ASCC3: variants seen among roughly 807,000 people sequenced by gnomAD.
The protein encoded by ASCC3 is ASC-1 complex subunit P200.
Under a neutral mutation model 256.3 loss-of-function variants are expected in ASCC3, and 158 were observed. The ratio of observed to expected loss-of-function variants is 0.62; its 90% CI spans 0.54 to 0.70. The LOEUF (loss-of-function observed/expected upper bound fraction) is 0.70. Among genes scored for constraint, ASCC3 ranks in the 30% least tolerant of loss-of-function variants. ASCC3 has a pLI of 0.00. For missense variants in ASCC3, 2,259 were observed against 2,626.0 expected, an observed-to-expected ratio of 0.86 and a Z score of 3.05; for synonymous variants, 948 against 883.4, an observed-to-expected ratio of 1.07 and a Z score of -1.30.
Position 100,627,898 on chromosome 6 carries a change from G to T in ASCC3, c.4465C>A (p.Leu1489Ile). The T allele has an allele frequency of 6.2e-7, 1 of 1,613,624 alleles. No homozygotes were observed. Among genetic ancestry groups the T allele is most frequent in the Non-Finnish European group, 8.5e-7 (1 of 1,179,832 alleles). ...CTGGCATTAGCTAATGCAGTAGATA[G>T]TCCAACTATTCTAACAGGCTTTTCT... The part of the protein sequence containing the change: ...HTEKPVRIVG[L>I]STALANARDL... The change falls in exon 28 of 42, where the codon CTA becomes ATA. Residue 1489 changes from leucine to isoleucine, a missense_variant. Coordinates refer to ENST00000369162, the MANE Select transcript of ASCC3 (RefSeq NM_006828.4).
intron 12 of ASCC3, among the ~76,000 whole-genome samples, chr6:100,716,502 A>G (rs2115022651): frequency 6.6e-6 from 1 of 152,050 alleles, no homozygotes; most frequent in Non-Finnish European, 1.5e-5. Context: ...TGTTTCATTA[A>G]TGTAAACATT....
chr6:100,580,494 T>A (rs1288747617), intron 36 of ASCC3, among the ~76,000 whole-genome samples: 1 of 151,988 alleles, frequency 6.6e-6, no homozygotes, highest in Admixed American at 6.6e-5. Flanking sequence ...TTTTTTCCAA[T>A]TTATGATTAC....
intron 4 of ASCC3, among the ~76,000 whole-genome samples, chr6:100,810,599 C>A (rs1381940923): frequency 6.6e-6 from 1 of 152,068 alleles, no homozygotes; most frequent in African/African-American, 2.4e-5. Flanking sequence ...AGATTAAACT[C>A]TTTCTAAATA....
chr6:100,751,415 A>G (rs1406909614), intron 10 of ASCC3, among the ~76,000 whole-genome samples: 1 of 152,000 alleles, frequency 6.6e-6, no homozygotes, highest in East Asian at 1.9e-4. Context: ...AAATACGGTC[A>G]TAAATAAGGA....
chr6:100,596,067 C>T (rs1582523070), intron 34 of ASCC3, among the ~76,000 whole-genome samples: 1 of 152,012 alleles, frequency 6.6e-6, no homozygotes, highest in African/African-American at 2.4e-5. Context: ...TATTTTTGTA[C>T]AGCTATGGTC....
chr6:100,745,640 C>T lies in ASCC3; in HGVS notation c.1738-19937G>A, dbSNP rs1265737750. Among the ~76,000 whole-genome samples the T allele has an allele frequency of 2.6e-5, 4 of 152,138 alleles. No homozygotes were observed. In the East Asian group the frequency reaches 7.7e-4, roughly 29 times the overall value. On this transcript the variant is annotated intron_variant, in intron 10 of 41. Transcript: ENST00000369162. Reference sequence around the variant, plus strand: ...GTTGGAAGGGACTTTCTGTGATAACCGTAATGTTCTGTGTATCTGCATTAT... The same window carrying T: ...GTTGGAAGGGACTTTCTGTGATAACTGTAATGTTCTGTGTATCTGCATTAT...
In ASCC3 at chr6:100,651,192, A is replaced by G. The variant is rs1260568798; in HGVS notation, c.3075+368T>C. On this transcript the variant is annotated intron_variant, in intron 19 of 41. Coordinates refer to ENST00000369162, the MANE Select transcript of ASCC3 (RefSeq NM_006828.4). ...AAGTATTAAAGTTTTCACTGTTAATAAGATTAAATATTAATACAGGTACAG... is the reference window on the plus strand; with the variant it reads ...AAGTATTAAAGTTTTCACTGTTAATGAGATTAAATATTAATACAGGTACAG... 3.9e-5 allele frequency among the ~76,000 whole-genome samples: 6 copies of G among 151,928 alleles called. No homozygotes were observed. In the East Asian group the frequency reaches 1.2e-3, roughly 29 times the overall value.
chr6:100,531,331 A>T, intron 37 of ASCC3, among the ~76,000 whole-genome samples: 1 of 152,144 alleles, frequency 6.6e-6, no homozygotes, highest in Non-Finnish European at 1.5e-5. Context: ...TTCTCCCATA[A>T]GTCCTAGAAG....
At chr6:100,518,168 C>T (rs373611160) in intron 37 of ASCC3, 26 bp from the exon 38 acceptor site, 13 of 1,612,556 alleles carry the variant, frequency 8.1e-6, no homozygotes, top group Admixed American at 6.7e-5. Flanking sequence ...GCACATGTTA[C>T]AAGAATTATA....
chr6:100,649,726 T>C (rs1427442063), intron 20 of ASCC3, among the ~76,000 whole-genome samples: 2 of 151,522 alleles, frequency 1.3e-5, no homozygotes, highest in Non-Finnish European at 3.0e-5. Flanking sequence ...ATTTCCATAT[T>C]TAAAATAAAA....
chr6:100,771,442 T>C (rs1048380589), intron 8 of ASCC3, among the ~76,000 whole-genome samples: 13 of 152,100 alleles, frequency 8.5e-5, no homozygotes, highest in Non-Finnish European at 1.6e-4. Context: ...GAAAACCTAC[T>C]ATCTTTAAGA....
At chr6:100,844,199 A>G (rs911090553) in intron 4 of ASCC3, among the ~76,000 whole-genome samples, 11 of 149,868 alleles carry the variant, frequency 7.3e-5, no homozygotes, top group African/African-American at 2.7e-4. Flanking sequence ...ACACTGAGAA[A>G]AAAAGTCCCA....
chr6:100,509,880 T>G, intron 41 of ASCC3, 52 bp downstream of exon 41: 1 of 1,523,406 alleles, frequency 6.6e-7, no homozygotes, highest in Non-Finnish European at 9.0e-7. Flanking sequence ...AGAGCGAGAC[T>G]CCGCCTCAAA....
chr6:100,792,874 G>C (rs1289141309), intron 8 of ASCC3, among the ~76,000 whole-genome samples: 2 of 151,890 alleles, frequency 1.3e-5, no homozygotes, highest in Non-Finnish European at 2.9e-5. Context: ...ATTTGGCTTG[G>C]AGCAGGGTGG....
At chr6:100,807,696 A>G (rs552614174) in intron 4 of ASCC3, among the ~76,000 whole-genome samples, 1 of 152,020 alleles carries the variant, frequency 6.6e-6, no homozygotes, top group South Asian at 2.1e-4. Context: ...CACAAAGCCA[A>G]CTTCACTTAA....
At chr6:100,597,306 T>C (rs925919424) in intron 34 of ASCC3, among the ~76,000 whole-genome samples, 3 of 152,178 alleles carry the variant, frequency 2.0e-5, no homozygotes, top group Non-Finnish European at 2.9e-5. Context: ...AGTTTACTAA[T>C]ACATCTTCAA....
chr6:100,870,825 G>T (rs948148988), intron 1 of ASCC3, among the ~76,000 whole-genome samples: 1 of 152,056 alleles, frequency 6.6e-6, no homozygotes, highest in African/African-American at 2.4e-5. Context: ...TGGAGCATTT[G>T]GAAGAAAAAA....
intron 3 of ASCC3, chr6:100,857,980 G>T (rs1454646991): frequency 6.5e-6 from 1 of 154,228 alleles, no homozygotes; most frequent in Non-Finnish European, 1.4e-5. Context: ...CATTATAATA[G>T]TGAGTCTTCC....
At chr6:100,578,597 A>C (rs1191202313) in intron 36 of ASCC3, among the ~76,000 whole-genome samples, 1 of 151,940 alleles carries the variant, frequency 6.6e-6, no homozygotes, top group Non-Finnish European at 1.5e-5. Flanking sequence ...ATATGATTTC[A>C]TTCTTTTTTT....
Sources: gnomAD v4.1 joint callset for allele counts (sites outside exome capture counted in the v4.1 genomes callset) on GRCh38, gnomAD v4.1.1 for gene constraint, MANE v1.5 for transcripts, NCBI Gene and HGNC (gene_info 2026-07-23, HGNC 2026-07-21) for gene names.